Variants in NAV3 observed in about 807,000 individuals in gnomAD.
The protein encoded by NAV3 is neuron navigator 3, also known as pore membrane and/or filament interacting like protein 1.
Under a neutral mutation model 244.7 loss-of-function variants are expected in NAV3, and 87 were observed. The observed-to-expected ratio is 0.36, with a 90% CI of 0.30 to 0.42. The LOEUF (loss-of-function observed/expected upper bound fraction) is 0.42, where lower values mean the gene tolerates loss of function less well. Ranked by LOEUF, NAV3 falls within the 20% of genes least tolerant of loss-of-function variation. NAV3 has a pLI of 1.00. For missense variants in NAV3, 2,663 were observed against 2,893.3 expected (o/e 0.92, Z 1.83); for synonymous variants, 1,126 against 1,042.2 (o/e 1.08, Z -1.55).
intron 12 of NAV3, among the ~76,000 whole-genome samples, chr12:78,084,992 G>T (rs1368882673): frequency 6.6e-6 from 1 of 151,964 alleles, no homozygotes; most frequent in Non-Finnish European, 1.5e-5. Context: ...AATAAAAAAA[G>T]AGAAAAAGAC....
chr12:77,601,761 G>C (rs1250409884), intron 2 of NAV3, among the ~76,000 whole-genome samples: 15 of 152,040 alleles, frequency 9.9e-5, no homozygotes, highest in Non-Finnish European at 1.5e-5. Flanking sequence ...GTGTCTTGAG[G>C]GGCATTGCTT....
intron 9 of NAV3, among the ~76,000 whole-genome samples, chr12:78,034,579 G>T (rs1435247540): frequency 6.6e-6 from 1 of 152,152 alleles, no homozygotes; most frequent in Non-Finnish European, 1.5e-5. Flanking sequence ...ATTTACAGAT[G>T]AATAAGGTCA....
In NAV3 at chr12:78,110,555, A is replaced by AT. The variant is rs148194200; in HGVS notation, c.2637-6213dup. ...ATGCATGTAACAAAATTGAACATGG[A>AT]TTTTATCAATTTGTACAAATAAAAA... On this transcript the variant is annotated intron_variant, in intron 12 of 39. Transcript: ENST00000397909. 3.1e-3 allele frequency among the ~76,000 whole-genome samples: 477 copies of AT among 152,174 alleles called. 2 individuals are homozygous for AT. The highest frequency in any genetic ancestry group is 0.011 in the African/African-American group (438 of 41,562).
At position 78,190,112 on chromosome 12, in the gene NAV3, A is replaced by G; in HGVS notation, c.6184A>G (p.Lys2062Glu). ...IILSGPSGTG[K>E]TYLANKLAEY... ...ACTCTCAGGACCGAGTGGTACTGGAAAGACCTATTTGGCAAACAAACTTGC... is the reference window on the plus strand; with the variant it reads ...ACTCTCAGGACCGAGTGGTACTGGAGAGACCTATTTGGCAAACAAACTTGC... Residue 2062 changes from lysine to glutamate, a missense_variant, in exon 34 of 40, where the codon AAG (lysine) becomes GAG (glutamate). Transcript: ENST00000397909. 6.2e-7 allele frequency: 1 copy of G among 1,613,236 alleles called. No individual in the cohort carries two copies. The highest frequency in any genetic ancestry group is 2.2e-5 in the East Asian group (1 of 44,732).
intron 2 of NAV3, among the ~76,000 whole-genome samples, chr12:77,609,726 CAA>C (rs34529888): frequency 0.1 from 15,772 of 152,030 alleles, 903 homozygotes; most frequent in Middle Eastern, 0.21. Flanking sequence ...CCCTGAGTGA[CAA>C]GTTGTAATCA....
intron 2 of NAV3, among the ~76,000 whole-genome samples, chr12:77,822,424 G>A (rs538149270): frequency 1.2e-4 from 18 of 152,164 alleles, no homozygotes; most frequent in East Asian, 5.8e-4. Flanking sequence ...TGCCCCTTGT[G>A]CCCACAAATA....
At chr12:77,611,721 G>A (rs530252276) in intron 2 of NAV3, among the ~76,000 whole-genome samples, 14 of 151,942 alleles carry the variant, frequency 9.2e-5, no homozygotes, top group African/African-American at 2.4e-4. Flanking sequence ...TATTTTAAAA[G>A]CGCATACTTT....
chr12:78,035,672 C>T (rs1461434698), intron 9 of NAV3, among the ~76,000 whole-genome samples: 1 of 152,114 alleles, frequency 6.6e-6, no homozygotes, highest in African/African-American at 2.4e-5. Context: ...CAATTTTAAG[C>T]TTTGAGTCAA....
intron 2 of NAV3, among the ~76,000 whole-genome samples, chr12:77,744,972 A>T (rs1339075477): frequency 6.6e-6 from 1 of 151,796 alleles, no homozygotes; most frequent in Non-Finnish European, 1.5e-5. Flanking sequence ...GTACTAGATA[A>T]CTCTATCTTT....
intron 2 of NAV3, among the ~76,000 whole-genome samples, chr12:77,701,805 TA>T (rs1462405462): frequency 6.6e-6 from 1 of 151,992 alleles, no homozygotes; most frequent in Non-Finnish European, 1.5e-5. Flanking sequence ...TCTTTATTTC[TA>T]AAATTTCATT....
chr12:77,926,700 G>A (rs1326795847), intron 1 of NAV3, among the ~76,000 whole-genome samples: 1 of 151,992 alleles, frequency 6.6e-6, no homozygotes, highest in African/African-American at 2.4e-5. Flanking sequence ...TCATTTGTTG[G>A]GCCCCACTAC....
At chr12:77,681,464 T>C (rs1646983891) in intron 2 of NAV3, among the ~76,000 whole-genome samples, 1 of 152,180 alleles carries the variant, frequency 6.6e-6, no homozygotes, top group African/African-American at 2.4e-5. Flanking sequence ...GTATTTTCAG[T>C]AAGGTGAAGG....
chr12:77,869,027 G>C (rs563445122), intron 1 of NAV3, among the ~76,000 whole-genome samples: 1 of 149,924 alleles, frequency 6.7e-6, no homozygotes, highest in Non-Finnish European at 1.5e-5. Flanking sequence ...AACCGAGATC[G>C]AGGTAAAAAA....
At chr12:77,714,884 A>C (rs1876290961) in intron 2 of NAV3, among the ~76,000 whole-genome samples, 1 of 152,140 alleles carries the variant, frequency 6.6e-6, no homozygotes, top group Non-Finnish European at 1.5e-5. Flanking sequence ...AAAGAGTTAA[A>C]CATTTAAAAA....
chr12:77,667,113 A>C (rs1873750057), intron 2 of NAV3, among the ~76,000 whole-genome samples: 1 of 152,136 alleles, frequency 6.6e-6, no homozygotes, highest in African/African-American at 2.4e-5. Flanking sequence ...CAGGAGATGG[A>C]GTTGTAGAGA....
chr12:77,858,503 A>G (rs769677690), intron 1 of NAV3, among the ~76,000 whole-genome samples: 1 of 152,112 alleles, frequency 6.6e-6, no homozygotes, highest in African/African-American at 2.4e-5. Flanking sequence ...CAATAGTTTA[A>G]TAGAGATTTA....
intron 6 of NAV3, among the ~76,000 whole-genome samples, chr12:77,997,237 C>CAAAAAAAAAA (rs139557569): frequency 1.3e-5 from 1 of 78,732 alleles, no homozygotes; most frequent in African/African-American, 4.8e-5. Context: ...CACCCTGTCT[C>CAAAAAAAAAA]AAAAAAAAAA....
At chr12:77,908,935 G>A (rs1555227960) in intron 1 of NAV3, among the ~76,000 whole-genome samples, 1 of 152,034 alleles carries the variant, frequency 6.6e-6, no homozygotes, top group Non-Finnish European at 1.5e-5. Flanking sequence ...AAGTAACATA[G>A]ATGTGGAAAT....
chr12:77,669,621 T>C (rs1257475412), intron 2 of NAV3, among the ~76,000 whole-genome samples: 1 of 152,118 alleles, frequency 6.6e-6, no homozygotes, highest in Non-Finnish European at 1.5e-5. Context: ...TGTTTTATAA[T>C]GATAAAAGAC....
Sources: gnomAD v4.1 joint callset for allele counts (sites outside exome capture counted in the v4.1 genomes callset) on GRCh38, gnomAD v4.1.1 for gene constraint, MANE v1.5 for transcripts, NCBI Gene and HGNC (gene_info 2026-07-23, HGNC 2026-07-21) for gene names.